The following SHROOM2 variants were observed in gnomAD, a reference collection of about 807,000 sequenced individuals.
SHROOM2 encodes the protein protein Shroom2.
In SHROOM2, 33 loss-of-function variants were observed where a neutral mutation model predicts 75.9. The observed-to-expected ratio is 0.43, with a 90% CI of 0.33 to 0.58. The LOEUF is 0.58. Ranked by LOEUF, SHROOM2 falls within the 20% of genes least tolerant of loss-of-function variation. The pLI, the probability that SHROOM2 is intolerant of heterozygous loss-of-function variation, is 0.04. For missense variants in SHROOM2, 1,434 were observed against 1,461.2 expected (o/e 0.98, Z 0.30); for synonymous variants, 655 against 663.6 (o/e 0.99, Z 0.20).
At chrX:9,825,773 A>G (rs1034479135) in intron 1 of SHROOM2, among the ~76,000 whole-genome samples, 2 of 112,133 alleles carry the variant, frequency 1.8e-5, no homozygotes, top group Non-Finnish European at 3.8e-5. Context: ...CCCTGGCTGC[A>G]CATTTGAGTT....
intron 1 of SHROOM2, among the ~76,000 whole-genome samples, chrX:9,841,476 A>G (rs1427657491): frequency 1.8e-5 from 2 of 111,545 alleles, no homozygotes; most frequent in African/African-American, 6.5e-5. Context: ...CTAGGAAGGG[A>G]AGGAGGAGGC....
chrX:9,910,930 G>A (rs186728877), intron 5 of SHROOM2, among the ~76,000 whole-genome samples: 4,242 of 110,183 alleles, frequency 0.038, 221 homozygotes, highest in African/African-American at 0.13. Flanking sequence ...CAGTCCTCCC[G>A]CCTCGGCCTC....
At chrX:9,922,610 G>C (rs2084556815) in intron 5 of SHROOM2, among the ~76,000 whole-genome samples, 1 of 111,020 alleles carries the variant, frequency 9.0e-6, no homozygotes, top group African/African-American at 3.3e-5. Context: ...CTAAATTACT[G>C]GCTAGTGTTC....
At chrX:9,902,033 G>A (rs187439078) in intron 5 of SHROOM2, among the ~76,000 whole-genome samples, 2 of 110,693 alleles carry the variant, frequency 1.8e-5, no homozygotes, top group East Asian at 5.7e-4. Flanking sequence ...TGGATGGAAG[G>A]GTAAGTGGAT....
intron 1 of SHROOM2, among the ~76,000 whole-genome samples, chrX:9,809,698 T>G (rs2083781240): frequency 8.9e-6 from 1 of 112,660 alleles, no homozygotes; most frequent in Non-Finnish European, 1.9e-5. Flanking sequence ...AGACAGAGTC[T>G]CGCTCTGTTG....
intron 1 of SHROOM2, among the ~76,000 whole-genome samples, chrX:9,836,517 C>G (rs1427105139): frequency 9.3e-6 from 1 of 107,735 alleles, no homozygotes; most frequent in Admixed American, 1.0e-4. Context: ...CTCTCTACCC[C>G]CTCCTTCTCC....
At chrX:9,914,042 C>T (rs923326113) in intron 5 of SHROOM2, among the ~76,000 whole-genome samples, 1 of 107,166 alleles carries the variant, frequency 9.3e-6, no homozygotes, top group Non-Finnish European at 1.9e-5. Context: ...TCTGTTTCTC[C>T]GCCTCCACCT....
intron 2 of SHROOM2, among the ~76,000 whole-genome samples, chrX:9,885,937 A>G (rs867824784): frequency 4.9e-3 from 425 of 86,664 alleles, no homozygotes; most frequent in African/African-American, 0.019. Context: ...TGGGTGGCAG[A>G]GGGAGAGCCT....
intron 1 of SHROOM2, among the ~76,000 whole-genome samples, chrX:9,829,547 C>T (rs1378840389): frequency 1.8e-5 from 2 of 111,966 alleles, no homozygotes; most frequent in Non-Finnish European, 3.8e-5. Context: ...GTACACACTC[C>T]GATTCCTTTT....
At chrX:9,861,111 A>G (rs1473486256) in intron 1 of SHROOM2, among the ~76,000 whole-genome samples, 1 of 112,297 alleles carries the variant, frequency 8.9e-6, no homozygotes, top group Non-Finnish European at 1.9e-5. Context: ...AGTTAATGCT[A>G]CTGAACTCCA....
chrX:9,804,466 A>G (rs1385799521), intron 1 of SHROOM2, among the ~76,000 whole-genome samples: 1 of 112,614 alleles, frequency 8.9e-6, no homozygotes, highest in African/African-American at 3.2e-5. Context: ...GCTTAGATAT[A>G]GGAATTCATT....
Position 9,941,209 on chromosome X carries a change from G to A in SHROOM2, c.4311+1843G>A, listed in dbSNP as rs1206490169. 5.3e-5 allele frequency among the ~76,000 whole-genome samples: 6 copies of A among 112,326 alleles called. No individual in the cohort carries two copies. The Admixed American group carries it at 5.6e-4, about 11-fold the overall frequency. ...GTTTCCCCTATAGAAGGGAACAAAA[G>A]GTGGAGGAAGGGAATGAATGGCCCA... is the stretch of plus-strand genomic sequence containing the variant. On this transcript the variant is annotated intron_variant, in intron 8 of 9. Transcript: ENST00000380913.
At chrX:9,803,110 T>G (rs1484055996) in intron 1 of SHROOM2, among the ~76,000 whole-genome samples, 1 of 105,879 alleles carries the variant, frequency 9.4e-6, no homozygotes, top group Non-Finnish European at 1.9e-5. Context: ...TTTTTTGTTT[T>G]TTTTTTTTTG....
chrX:9,947,877 A>G lies in SHROOM2; in HGVS notation c.*940A>G, dbSNP rs774302012. On this transcript the variant is annotated 3_prime_UTR_variant, in exon 10 of 10. Transcript: ENST00000380913. ...TAGCATGGCATGAGGGCCACATTCC[A>G]TGGACGGGAAGACCCCTTCCTCTTC... 8.9e-6 allele frequency: 1 copy of G among 112,207 alleles called. No homozygotes were observed. Among genetic ancestry groups the G allele is most frequent in the Admixed American group, 9.5e-5 (1 of 10,556 alleles). 9.2% of individuals were successfully genotyped at this position (112,207 alleles called of 1,213,427 possible).
intron 5 of SHROOM2, among the ~76,000 whole-genome samples, chrX:9,926,659 T>C (rs7049747): frequency 0.095 from 10,645 of 111,615 alleles, 1,254 homozygotes; most frequent in African/African-American, 0.33. Context: ...GCCAGACAAC[T>C]ACAGATTGTG....
intron 1 of SHROOM2, among the ~76,000 whole-genome samples, chrX:9,848,817 C>T (rs2084022567): frequency 9.0e-6 from 1 of 111,218 alleles, no homozygotes; most frequent in African/African-American, 3.3e-5. Flanking sequence ...TCAATAGTAA[C>T]GTGTGCTGAG....
At position 9,895,284 on chromosome X, in the gene SHROOM2, A is replaced by C; in HGVS notation, c.1376A>C (p.Gln459Pro). 8.5e-7 allele frequency: 1 copy of C among 1,179,721 alleles called. No individual in the cohort carries two copies. Among genetic ancestry groups the C allele is most frequent in the Non-Finnish European group, 1.1e-6 (1 of 879,425 alleles). Reference protein sequence around the residue: ...AASFQNDSPPQVRGLSSCDQK... With the variant: ...AASFQNDSPPPVRGLSSCDQK... ...AGCTTCCAGAACGACAGCCCTCCTCAGGTGAGGGGGCTCAGCAGCTGTGAC... is the reference window on the plus strand; with the variant it reads ...AGCTTCCAGAACGACAGCCCTCCTCCGGTGAGGGGGCTCAGCAGCTGTGAC... The change falls in exon 4 of 10, where the codon CAG (glutamine) becomes CCG (proline). Residue 459 changes from glutamine to proline, a missense_variant. Physicochemically the swap from Gln to Pro is moderately conservative, Grantham distance 76. This residue lies in a region of SHROOM2 where 1,340 missense variants were observed against 1,338.3 expected (regional missense o/e 1.00). Coordinates refer to ENST00000380913, the MANE Select transcript of SHROOM2 (RefSeq NM_001649.4).
intron 5 of SHROOM2, among the ~76,000 whole-genome samples, chrX:9,904,865 T>C (rs1455798218): frequency 1.8e-5 from 2 of 111,965 alleles, no homozygotes; most frequent in Non-Finnish European, 3.8e-5. Flanking sequence ...TACAGATTGA[T>C]AACCGATTGA....
intron 1 of SHROOM2, among the ~76,000 whole-genome samples, chrX:9,839,911 CG>C (rs2083970775): frequency 8.9e-6 from 1 of 111,927 alleles, no homozygotes; most frequent in African/African-American, 3.3e-5. Flanking sequence ...CCGGTGCCAT[CG>C]AGCTCTAACT....
Sources: gnomAD v4.1 joint callset for allele counts (sites outside exome capture counted in the v4.1 genomes callset) on GRCh38, gnomAD v4.1.1 for gene constraint, gnomAD v4.1.1 regional missense constraint, MANE v1.5 for transcripts, NCBI Gene and HGNC (gene_info 2026-07-23, HGNC 2026-07-21) for gene names.